GABRB2: variants seen among roughly 807,000 people sequenced by gnomAD.
The protein encoded by GABRB2 is gamma-aminobutyric acid type A receptor subunit beta2, also known as gamma-aminobutyric acid receptor subunit beta-2.
In GABRB2, 16 loss-of-function variants were observed where a neutral mutation model predicts 54.7. That is an observed-to-expected ratio of 0.29 (90% CI 0.20 to 0.44). GABRB2 has a LOEUF of 0.44. Among genes scored for constraint, GABRB2 ranks in the 20% least tolerant of loss-of-function variants. GABRB2 has a pLI of 1.00. For synonymous variants in GABRB2, 244 were observed against 233.8 expected (o/e 1.04, Z -0.40); for missense variants, 355 against 644.0 (o/e 0.55, Z 4.86).
chr5:161,392,144 A>C (rs896189874), intron 5 of GABRB2, among the ~76,000 whole-genome samples: 1 of 152,054 alleles, frequency 6.6e-6, no homozygotes, highest in East Asian at 1.9e-4. Context: ...GCCCCTTCTC[A>C]TCATGGCCTC....
intron 9 of GABRB2, among the ~76,000 whole-genome samples, chr5:161,303,318 AGTT>A (rs747333616): frequency 1.2e-4 from 19 of 152,200 alleles, no homozygotes; most frequent in Non-Finnish European, 1.8e-4. Context: ...GATGCTATCT[AGTT>A]GTTGTTGTTT....
intron 3 of GABRB2, among the ~76,000 whole-genome samples, chr5:161,516,293 G>T (rs1759945852): frequency 6.6e-6 from 1 of 152,030 alleles, no homozygotes; most frequent in Non-Finnish European, 1.5e-5. Context: ...CTATGCTAAG[G>T]GCTTTATATG....
At chr5:161,365,579 A>T (rs1387469897) in intron 5 of GABRB2, among the ~76,000 whole-genome samples, 1 of 152,138 alleles carries the variant, frequency 6.6e-6, no homozygotes, top group Admixed American at 6.6e-5. Flanking sequence ...TTGTGTTGGG[A>T]ACATTCAATT....
chr5:161,321,854 T>G (rs1758220699), intron 9 of GABRB2, among the ~76,000 whole-genome samples: 1 of 152,150 alleles, frequency 6.6e-6, no homozygotes, highest in Non-Finnish European at 1.5e-5. Flanking sequence ...TGGAACCCAT[T>G]ACATCCTTTT....
intron 6 of GABRB2, among the ~76,000 whole-genome samples, chr5:161,335,849 T>C (rs530162967): frequency 6.6e-6 from 1 of 152,246 alleles, no homozygotes; most frequent in South Asian, 2.1e-4. Context: ...TTGCCTGAAG[T>C]GGTTTGTAGG....
At chr5:161,372,858 T>C (rs1755171761) in intron 5 of GABRB2, among the ~76,000 whole-genome samples, 1 of 152,198 alleles carries the variant, frequency 6.6e-6, no homozygotes, top group South Asian at 2.1e-4. Flanking sequence ...CTTCAGAGCC[T>C]GCATTCCTCT....
At chr5:161,539,304 C>T (rs974988816) in intron 3 of GABRB2, among the ~76,000 whole-genome samples, 16 of 152,178 alleles carry the variant, frequency 1.1e-4, no homozygotes, top group African/African-American at 3.9e-4. Flanking sequence ...GCTTTCTGCT[C>T]AGGAGCATTC....
intron 5 of GABRB2, among the ~76,000 whole-genome samples, chr5:161,368,263 C>A (rs1755028764): frequency 6.6e-6 from 1 of 151,866 alleles, no homozygotes; most frequent in African/African-American, 2.4e-5. Context: ...CACAAGGAAG[C>A]AATATTTTTT....
At chr5:161,342,593 C>A (rs1417224196) in intron 5 of GABRB2, among the ~76,000 whole-genome samples, 2 of 151,892 alleles carry the variant, frequency 1.3e-5, no homozygotes, top group Non-Finnish European at 2.9e-5. Flanking sequence ...TTTATTTAAC[C>A]ATATACATTT....
At chr5:161,485,910 C>T (rs1427838523) in intron 3 of GABRB2, among the ~76,000 whole-genome samples, 1 of 151,796 alleles carries the variant, frequency 6.6e-6, no homozygotes, top group Non-Finnish European at 1.5e-5. Flanking sequence ...AAAGCACCTG[C>T]CTGGGAATGA....
At chr5:161,334,043 A>G (rs932315505) in intron 7 of GABRB2, among the ~76,000 whole-genome samples, 1 of 152,234 alleles carries the variant, frequency 6.6e-6, no homozygotes, top group Non-Finnish European at 1.5e-5. Context: ...GTTGAATAAT[A>G]AATGAGTGGC....
intron 3 of GABRB2, among the ~76,000 whole-genome samples, chr5:161,465,542 A>AGTTT (rs1387730129): frequency 6.6e-6 from 1 of 152,044 alleles, no homozygotes; most frequent in Non-Finnish European, 1.5e-5. Context: ...TTGTCTTTAT[A>AGTTT]GTTTGTTTTC....
At chr5:161,333,177 A>G (rs996989505) in intron 7 of GABRB2, among the ~76,000 whole-genome samples, 4 of 152,204 alleles carry the variant, frequency 2.6e-5, no homozygotes, top group Non-Finnish European at 4.4e-5. Context: ...TCGATACAAA[A>G]AAGACATGTT....
intron 3 of GABRB2, among the ~76,000 whole-genome samples, chr5:161,474,690 T>C (rs1758542854): frequency 6.6e-6 from 1 of 151,980 alleles, no homozygotes. Flanking sequence ...TGGGAAATCA[T>C]TCATTTTCAG....
At chr5:161,319,609 C>T (rs1230488272) in intron 9 of GABRB2, among the ~76,000 whole-genome samples, 2 of 151,316 alleles carry the variant, frequency 1.3e-5, no homozygotes, top group African/African-American at 4.8e-5. Context: ...TTAAGTGGGT[C>T]CATTGTTTCT....
At chr5:161,532,900 A>G (rs1760507380) in intron 3 of GABRB2, among the ~76,000 whole-genome samples, 1 of 152,112 alleles carries the variant, frequency 6.6e-6, no homozygotes, top group African/African-American at 2.4e-5. Flanking sequence ...CTGGGGATGC[A>G]TGCAAACACT....
At chr5:161,468,561 T>C (rs1758344298) in intron 3 of GABRB2, among the ~76,000 whole-genome samples, 1 of 152,042 alleles carries the variant, frequency 6.6e-6, no homozygotes, top group South Asian at 2.1e-4. Context: ...ACATCCCTCA[T>C]TTTTATAATG....
chr5:161,538,984 A>G (rs1760730788), intron 3 of GABRB2, among the ~76,000 whole-genome samples: 1 of 152,226 alleles, frequency 6.6e-6, no homozygotes, highest in African/African-American at 2.4e-5. Context: ...GCAGCTGGTG[A>G]TGCAAGAAAA....
intron 9 of GABRB2, among the ~76,000 whole-genome samples, chr5:161,319,412 T>C (rs1287379209): frequency 2.7e-5 from 4 of 147,602 alleles, no homozygotes; most frequent in African/African-American, 9.8e-5. Flanking sequence ...ATATATTATA[T>C]ATATTTTATA....
Sources: gnomAD v4.1 joint callset for allele counts (sites outside exome capture counted in the v4.1 genomes callset) on GRCh38, gnomAD v4.1.1 for gene constraint, MANE v1.5 for transcripts, NCBI Gene and HGNC (gene_info 2026-07-23, HGNC 2026-07-21) for gene names.